The following ZNF365 variants were observed in gnomAD, a reference collection of about 807,000 sequenced individuals.
ZNF365 encodes protein ZNF365.
ZNF365 carries 22 observed loss-of-function variants against 35.0 expected under a neutral mutation model. That is an observed-to-expected ratio of 0.63 (90% confidence interval 0.45 to 0.90). The LOEUF is 0.90. Ranked by LOEUF, ZNF365 falls within the 40% of genes least tolerant of loss-of-function variation. The pLI is 0.00. For missense variants in ZNF365, 448 were observed against 500.3 expected (o/e 0.90, Z 1.00); for synonymous variants, 188 against 196.2 (o/e 0.96, Z 0.35).
At chr10:62,472,877 G>C (rs1290964065) in intron 4 of ZNF365, among the ~76,000 whole-genome samples, 3 of 152,132 alleles carry the variant, frequency 2.0e-5, no homozygotes, top group Non-Finnish European at 4.4e-5. Context: ...AAAATTCCAA[G>C]TATAGAATAG....
At chr10:62,378,139 G>A (rs1839367808) in intron 2 of ZNF365, among the ~76,000 whole-genome samples, 1 of 152,168 alleles carries the variant, frequency 6.6e-6, no homozygotes, top group Non-Finnish European at 1.5e-5. Flanking sequence ...AATCTCTAAT[G>A]AAAAATGTTT....
chr10:62,415,676 C>T (rs1224024924), intron 3 of ZNF365, among the ~76,000 whole-genome samples: 1 of 152,160 alleles, frequency 6.6e-6, no homozygotes. Flanking sequence ...TTTTCAATCT[C>T]CTGCCCTCAC....
chr10:62,452,723 A>T (rs1336612058), intron 3 of ZNF365, among the ~76,000 whole-genome samples: 2 of 152,262 alleles, frequency 1.3e-5, no homozygotes, highest in Non-Finnish European at 1.5e-5. Context: ...AATACACCCC[A>T]GGGTCCTAAC....
At chr10:62,439,522 G>A (rs1008265809) in intron 3 of ZNF365, among the ~76,000 whole-genome samples, 1 of 152,166 alleles carries the variant, frequency 6.6e-6, no homozygotes, top group African/African-American at 2.4e-5. Flanking sequence ...TTCTGAGAAA[G>A]ACATATTCTT....
At chr10:62,403,049 A>G (rs1317511897), downstream of ZNF365, among the ~76,000 whole-genome samples, 1 of 152,236 alleles carries the variant, frequency 6.6e-6, no homozygotes, top group Non-Finnish European at 1.5e-5. Flanking sequence ...GTAATTCAAA[A>G]TACATGAGTA....
chr10:62,421,461 G>T (rs947085586), intron 3 of ZNF365, among the ~76,000 whole-genome samples: 1 of 152,060 alleles, frequency 6.6e-6, no homozygotes. Context: ...TCAGTTAAGC[G>T]GGTGGGCTTT....
chr10:62,408,196 A>G (rs907093760), intron 3 of ZNF365, among the ~76,000 whole-genome samples: 18 of 152,162 alleles, frequency 1.2e-4, no homozygotes, highest in Non-Finnish European at 2.9e-5. Flanking sequence ...TGGAAAGCAC[A>G]TGGGAACAAC....
At chr10:62,472,886 A>C (rs1465428984) in intron 4 of ZNF365, among the ~76,000 whole-genome samples, 3 of 152,212 alleles carry the variant, frequency 2.0e-5, no homozygotes, top group Non-Finnish European at 4.4e-5. Flanking sequence ...AGTATAGAAT[A>C]GCACAAAAAC....
chr10:62,440,671 A>G (rs1263404650), intron 3 of ZNF365, among the ~76,000 whole-genome samples: 1 of 152,214 alleles, frequency 6.6e-6, no homozygotes, highest in Non-Finnish European at 1.5e-5. Context: ...GTGTATCTCT[A>G]TAGTAGTGTT....
chr10:62,438,386 C>T (rs1212803373), intron 3 of ZNF365, among the ~76,000 whole-genome samples: 9 of 151,896 alleles, frequency 5.9e-5, no homozygotes, highest in Admixed American at 5.9e-4. Flanking sequence ...TGAGGTTTCG[C>T]CACATTGCCC....
intron 3 of ZNF365, among the ~76,000 whole-genome samples, chr10:62,423,832 TAAG>T (rs774721485): frequency 3.5e-4 from 53 of 152,162 alleles, no homozygotes; most frequent in Admixed American, 1.6e-3. Context: ...ATTATAATAA[TAAG>T]CATGATATTT....
chr10:62,442,229 G>T lies in ZNF365; in HGVS notation c.925-17512G>T, dbSNP rs137953265. ...AAAGCTTTCCAAAGAGCTACTTAAA[G>T]TTATTTTTCTCCATGACAACAGCCT... On this transcript the variant is annotated intron_variant, in intron 3 of 4. Transcript: ENST00000395255. Among the ~76,000 whole-genome samples, 43 of 152,314 alleles carry T rather than the reference G, an allele frequency of 2.8e-4. No homozygotes were observed. In the East Asian group the frequency reaches 7.3e-3, roughly 26 times the overall value.
chr10:62,444,914 A>T (rs1191131595), intron 3 of ZNF365, among the ~76,000 whole-genome samples: 1 of 151,856 alleles, frequency 6.6e-6, no homozygotes, highest in Non-Finnish European at 1.5e-5. Context: ...TCCTAATGCT[A>T]TCCCTCCCCC....
rs1426562481 is a variant in ZNF365 at position 62,430,608 on chromosome 10, C to T, written c.925-29133C>T. On this transcript the variant is annotated intron_variant, in intron 3 of 4. Coordinates refer to the ZNF365 transcript ENST00000395255. Reference sequence around the variant, plus strand: ...TTGTGAGGTTTTAAACTTAATCTGCCATAAAACTCCAACCCTGGAGAAAAC... The same window carrying T: ...TTGTGAGGTTTTAAACTTAATCTGCTATAAAACTCCAACCCTGGAGAAAAC... 2.6e-5 allele frequency among the ~76,000 whole-genome samples: 4 copies of T among 152,262 alleles called. No individual in the cohort carries two copies. In the South Asian group the frequency reaches 8.3e-4, roughly 32 times the overall value.
chr10:62,383,671 ACT>A (rs1839477688), intron 2 of ZNF365, among the ~76,000 whole-genome samples: 2 of 152,140 alleles, frequency 1.3e-5, no homozygotes, highest in African/African-American at 4.8e-5. Context: ...TATTTCCATT[ACT>A]CTCTGCACAT....
chr10:62,436,627 GA>G (rs1487363245), intron 3 of ZNF365, among the ~76,000 whole-genome samples: 2 of 152,116 alleles, frequency 1.3e-5, no homozygotes, highest in Admixed American at 1.3e-4. Flanking sequence ...AATATTTCCT[GA>G]AGCCTTTTGA....
At chr10:62,433,640 C>G (rs1490863368) in intron 3 of ZNF365, among the ~76,000 whole-genome samples, 1 of 152,180 alleles carries the variant, frequency 6.6e-6, no homozygotes, top group Non-Finnish European at 1.5e-5. Context: ...AGAAGGTCAA[C>G]TCCACAGAGC....
At position 62,456,335 on chromosome 10, in the gene ZNF365, T is replaced by A. The variant is rs555168505; in HGVS notation, c.925-3406T>A. Among the ~76,000 whole-genome samples, 3 of 152,314 alleles carry A rather than the reference T, an allele frequency of 2.0e-5. No homozygotes were observed. The East Asian group carries it at 5.8e-4, about 29-fold the overall frequency. On this transcript the variant is annotated intron_variant, in intron 3 of 4. Transcript: ENST00000395255. ...CAGTCCTTTCCCATGATCATCTCCATAAAACATGCCTATATTTATATTTCT... is the reference window on the plus strand; with the variant it reads ...CAGTCCTTTCCCATGATCATCTCCAAAAAACATGCCTATATTTATATTTCT...
At chr10:62,480,208 A>G (rs934973538) in exon 5 of ZNF365, 4 of 1,105,442 alleles carry the variant, frequency 3.6e-6, no homozygotes, top group Non-Finnish European at 4.4e-6. Flanking sequence ...ATTTGTCCCT[A>G]TGAGATAGAG....
Sources: allele counts gnomAD v4.1 joint callset (sites outside exome capture counted in the v4.1 genomes callset), GRCh38; gene constraint gnomAD v4.1.1; transcripts MANE v1.5; gene names NCBI Gene and HGNC (gene_info 2026-07-23, HGNC 2026-07-21).